PDE10A: variants seen among roughly 807,000 people sequenced by gnomAD.
PDE10A encodes cAMP and cAMP-inhibited cGMP 3',5'-cyclic phosphodiesterase 10A.
Under a neutral mutation model 97.7 loss-of-function variants are expected in PDE10A, and 39 were observed. The ratio of observed to expected loss-of-function variants is 0.40; its 90% CI spans 0.31 to 0.52. PDE10A has a LOEUF of 0.52. Ranked by LOEUF, PDE10A falls within the 20% of genes least tolerant of loss-of-function variation. The pLI, the probability that PDE10A is intolerant of heterozygous loss-of-function variation, is 0.56. For synonymous variants in PDE10A, 371 were observed against 376.8 expected (o/e 0.98, Z 0.18); for missense variants, 731 against 1,047.8 (o/e 0.70, Z 4.17).
At chr6:165,502,184 C>T (rs481449) in intron 2 of PDE10A, among the ~76,000 whole-genome samples, 27,587 of 151,978 alleles carry the variant, frequency 0.18, 3,293 homozygotes, top group African/African-American at 0.33. Flanking sequence ...TATAAGAAAA[C>T]AGGAGAATAT....
chr6:165,555,017 GC>G lies in PDE10A; in HGVS notation c.866-11450del, dbSNP rs976506611. ...GAGTAAAAGGATGATTACCAGAGAGGCTAGGAAGTGTAGTAGGGGGCTAGGA... is the reference window on the plus strand; with the variant it reads ...GAGTAAAAGGATGATTACCAGAGAGGTAGGAAGTGTAGTAGGGGGCTAGGA... On this transcript the variant is annotated intron_variant, in intron 1 of 21. Transcript: ENST00000539869. Among the ~76,000 whole-genome samples the G allele has an allele frequency of 1.3e-3, 205 of 152,228 alleles. 1 individual carries two copies. The highest frequency in any genetic ancestry group is 4.7e-3 in the African/African-American group (196 of 41,552).
At chr6:165,629,107 A>G (rs1404132927) in intron 1 of PDE10A, among the ~76,000 whole-genome samples, 1 of 152,100 alleles carries the variant, frequency 6.6e-6, no homozygotes, top group Non-Finnish European at 1.5e-5. Flanking sequence ...TATAATGACT[A>G]AGAGTTGAAG....
chr6:165,724,498 T>C (rs1792244025), intron 1 of PDE10A, among the ~76,000 whole-genome samples: 1 of 152,210 alleles, frequency 6.6e-6, no homozygotes, highest in Non-Finnish European at 1.5e-5. Context: ...CTCGCCCCCA[T>C]GGCTTCAGAA....
intron 1 of PDE10A, among the ~76,000 whole-genome samples, chr6:165,726,655 A>G (rs978336540): frequency 2.6e-4 from 39 of 152,260 alleles, no homozygotes; most frequent in African/African-American, 8.9e-4. Flanking sequence ...TCCTTTGTTG[A>G]GCAGGGAGAG....
At chr6:165,889,754 A>T (rs748597390) in intron 1 of PDE10A, among the ~76,000 whole-genome samples, 1 of 152,072 alleles carries the variant, frequency 6.6e-6, no homozygotes, top group Non-Finnish European at 1.5e-5. Flanking sequence ...AACACGGCAC[A>T]GGAAGATTTC....
At chr6:165,583,762 A>G (rs1176536752) in intron 1 of PDE10A, among the ~76,000 whole-genome samples, 1 of 152,134 alleles carries the variant, frequency 6.6e-6, no homozygotes, top group Non-Finnish European at 1.5e-5. Flanking sequence ...ACTAGTGTCT[A>G]ATGTATGATA....
At chr6:165,438,367 T>C (rs1341808017) in intron 5 of PDE10A, among the ~76,000 whole-genome samples, 1 of 152,088 alleles carries the variant, frequency 6.6e-6, no homozygotes, top group Non-Finnish European at 1.5e-5. Context: ...TTTGTATTTT[T>C]AGTAGAGATG....
At chr6:165,823,482 T>TTATATATATATA (rs748139541) in intron 1 of PDE10A, among the ~76,000 whole-genome samples, 18 of 37,468 alleles carry the variant, frequency 4.8e-4, no homozygotes, top group South Asian at 2.2e-3. Flanking sequence ...ATAGTTAACT[T>TTATATATATATA]TATATATATA....
intron 1 of PDE10A, among the ~76,000 whole-genome samples, chr6:165,620,335 G>T (rs1788066750): frequency 6.6e-6 from 1 of 152,170 alleles, no homozygotes; most frequent in South Asian, 2.1e-4. Flanking sequence ...TGATGGGGGG[G>T]TAGAAATGGC....
chr6:165,898,330 A>G (rs1782012922), intron 1 of PDE10A, among the ~76,000 whole-genome samples: 1 of 152,100 alleles, frequency 6.6e-6, no homozygotes, highest in African/African-American at 2.4e-5. Flanking sequence ...GAACCGCACA[A>G]CGCAGCACCT....
At chr6:165,425,013 T>A (rs1169688879) in intron 10 of PDE10A, among the ~76,000 whole-genome samples, 1 of 152,186 alleles carries the variant, frequency 6.6e-6, no homozygotes, top group Non-Finnish European at 1.5e-5. Flanking sequence ...ATTCTCCTGT[T>A]GATATCTGTT....
intron 1 of PDE10A, among the ~76,000 whole-genome samples, chr6:165,811,260 C>T (rs1779276618): frequency 6.6e-6 from 1 of 152,070 alleles, no homozygotes; most frequent in Non-Finnish European, 1.5e-5. Flanking sequence ...ACAAAAAAAG[C>T]ACTTCCTAGA....
chr6:165,683,434 G>A (rs74383205), intron 1 of PDE10A, among the ~76,000 whole-genome samples: 2,500 of 151,984 alleles, frequency 0.016, 34 homozygotes, highest in South Asian at 0.048. Flanking sequence ...ACACACACAC[G>A]CGCTCACACA....
chr6:165,700,885 C>A (rs1582953979), intron 1 of PDE10A, among the ~76,000 whole-genome samples: 1 of 152,084 alleles, frequency 6.6e-6, no homozygotes, highest in African/African-American at 2.4e-5. Flanking sequence ...CAAAAGTAAG[C>A]CATTTGAAGT....
chr6:165,362,633 C>T (rs1783494142), intron 18 of PDE10A, among the ~76,000 whole-genome samples: 1 of 152,154 alleles, frequency 6.6e-6, no homozygotes, highest in Admixed American at 6.5e-5. Context: ...AAATTCTATA[C>T]ATTTGAAGAT....
intron 1 of PDE10A, among the ~76,000 whole-genome samples, chr6:165,911,683 G>A (rs1253176866): frequency 2.6e-5 from 4 of 152,182 alleles, no homozygotes; most frequent in Non-Finnish European, 4.4e-5. Flanking sequence ...CATTCAGTGG[G>A]TATGGATGGC....
intron 1 of PDE10A, among the ~76,000 whole-genome samples, chr6:165,759,079 T>C (rs553754695): frequency 6.6e-6 from 1 of 152,340 alleles, no homozygotes; most frequent in Non-Finnish European, 1.5e-5. Context: ...GAAGCAGTCC[T>C]GCTCCGTGCC....
rs184276562 is a variant in PDE10A at position 165,920,806 on chromosome 6, A to C, written c.-615+66723T>G. Reference sequence around the variant, plus strand: ...TGAATAACACACTAGACCATATTCCATGGGTTAGGGATTTTATCTTCTACC... The same window carrying C: ...TGAATAACACACTAGACCATATTCCCTGGGTTAGGGATTTTATCTTCTACC... On this transcript the variant is annotated intron_variant, in intron 1 of 19. Coordinates refer to the PDE10A transcript ENST00000366882. 3.3e-5 allele frequency among the ~76,000 whole-genome samples: 5 copies of C among 152,180 alleles called. No homozygotes were observed. In the East Asian group the frequency reaches 9.6e-4, roughly 29 times the overall value.
Position 165,334,132 on chromosome 6 carries a change from C to T in PDE10A, c.3066-1005G>A, listed in dbSNP as rs564130426. Among the ~76,000 whole-genome samples the T allele has an allele frequency of 2.7e-3, 411 of 152,302 alleles. 2 individuals are homozygous for T. The highest frequency in any genetic ancestry group is 9.2e-3 in the African/African-American group (384 of 41,568). On this transcript the variant is annotated intron_variant, in intron 21 of 21. Coordinates refer to ENST00000539869, the MANE Select transcript of PDE10A (RefSeq NM_001385079.1). ...CCTTGGACACCGATGATACATCATA[C>T]GCTTTTTAAGCGTTAATAAGATTAA...
Sources: gnomAD v4.1 joint callset for allele counts (sites outside exome capture counted in the v4.1 genomes callset) on GRCh38, gnomAD v4.1.1 for gene constraint, MANE v1.5 for transcripts, NCBI Gene and HGNC (gene_info 2026-07-23, HGNC 2026-07-21) for gene names.